The following MYBPC1 variants were observed in gnomAD, a reference collection of about 807,000 sequenced individuals.
The protein encoded by MYBPC1 is myosin binding protein C1.
Under a neutral mutation model 147.1 loss-of-function variants are expected in MYBPC1, and 52 were observed. The ratio of observed to expected loss-of-function variants is 0.35; its 90% confidence interval spans 0.28 to 0.45. The LOEUF (loss-of-function observed/expected upper bound fraction) is 0.45, where lower values mean the gene tolerates loss of function less well. Among genes scored for constraint, MYBPC1 ranks in the 20% least tolerant of loss-of-function variants. MYBPC1 has a pLI of 1.00. For missense variants in MYBPC1, 1,228 were observed against 1,440.3 expected (o/e 0.85, Z 2.39); for synonymous variants, 477 against 475.9 (o/e 1.00, Z -0.03).
At chr12:101,604,991 G>T (rs543497854) in intron 1 of MYBPC1, among the ~76,000 whole-genome samples, 1 of 152,172 alleles carries the variant, frequency 6.6e-6, no homozygotes, top group African/African-American at 2.4e-5. Flanking sequence ...TGCTCCTCAG[G>T]CACCCTGCTT....
intron 22 of MYBPC1, chr12:101,664,274 T>C (rs1025717987): frequency 6.6e-6 from 1 of 152,198 alleles, no homozygotes; most frequent in African/African-American, 2.4e-5. Context: ...ACCAAAAGAA[T>C]GTGAAACTTA....
chr12:101,653,369 C>A, intron 18 of MYBPC1, 121 bp downstream of exon 18: 3 of 1,308,104 alleles, frequency 2.3e-6, no homozygotes, highest in Non-Finnish European at 2.1e-6. Flanking sequence ...TACAGCAGTA[C>A]AGTAAAGATG....
intron 6 of MYBPC1, 107 bp from the exon 7 acceptor site, chr12:101,631,464 A>G: frequency 7.9e-7 from 1 of 1,273,214 alleles, no homozygotes; most frequent in Non-Finnish European, 1.1e-6. Flanking sequence ...CGAGGGCACC[A>G]ATCACACCAT....
At chr12:101,612,151 T>C (rs143065187) in intron 1 of MYBPC1, among the ~76,000 whole-genome samples, 1 of 151,706 alleles carries the variant, frequency 6.6e-6, no homozygotes, top group Non-Finnish European at 1.5e-5. Flanking sequence ...AGGATAAAGA[T>C]TGCCAAATGA....
At chr12:101,609,652 C>T in intron 1 of MYBPC1, among the ~76,000 whole-genome samples, 1 of 152,084 alleles carries the variant, frequency 6.6e-6, no homozygotes, top group East Asian at 1.9e-4. Context: ...ACGCATACTG[C>T]AGTTTGAGAA....
the MYBPC1 span, among the ~76,000 whole-genome samples, chr12:101,691,203 C>T: frequency 6.6e-6 from 1 of 152,178 alleles, no homozygotes; most frequent in Non-Finnish European, 1.5e-5. Context: ...TCCTGAGTAG[C>T]TGGGATTGCA....
chr12:101,688,233 G>A (rs1344094042), downstream of MYBPC1, among the ~76,000 whole-genome samples: 2 of 152,006 alleles, frequency 1.3e-5, no homozygotes, highest in Non-Finnish European at 2.9e-5. Flanking sequence ...CAGCTATGCA[G>A]CATGGTGAAG....
chr12:101,644,929 T>A, intron 12 of MYBPC1, 133 bp downstream of exon 12: 1 of 902,156 alleles, frequency 1.1e-6, no homozygotes, highest in Admixed American at 2.1e-5. Context: ...AGAGTAAACA[T>A]TTAAGTCACA....
downstream of MYBPC1, among the ~76,000 whole-genome samples, chr12:101,688,184 C>T (rs1755425721): frequency 6.6e-6 from 1 of 152,152 alleles, no homozygotes. Context: ...CTTTTAGAGG[C>T]CGAGGCGGGC....
intron 2 of MYBPC1, 186 bp downstream of exon 2, chr12:101,614,717 C>T: frequency 1.5e-6 from 1 of 647,422 alleles, no homozygotes; most frequent in Non-Finnish European, 2.7e-6. Flanking sequence ...ATATAATCCT[C>T]TTGTGTTAAT....
chr12:101,639,991 T>C (rs926923546), intron 10 of MYBPC1, among the ~76,000 whole-genome samples: 1 of 151,904 alleles, frequency 6.6e-6, no homozygotes, highest in African/African-American at 2.4e-5. Context: ...AGAAAATATA[T>C]ACATATGAAC....
intron 1 of MYBPC1, among the ~76,000 whole-genome samples, chr12:101,596,774 C>G (rs994728018): frequency 2.6e-5 from 4 of 152,168 alleles, no homozygotes; most frequent in Non-Finnish European, 5.9e-5. Context: ...CCCCACCCCC[C>G]CAATATATAT....
chr12:101,677,390 G>A lies in MYBPC1; in HGVS notation c.3105G>A (p.Arg1035=). The A allele has an allele frequency of 1.9e-6, 3 of 1,613,912 alleles. No individual in the cohort carries two copies. Among genetic ancestry groups the A allele is most frequent in the Non-Finnish European group, 2.5e-6 (3 of 1,179,956 alleles). Residue 1035 remains arginine (R), a synonymous_variant, in exon 27 of 32, where the codon AGG becomes AGA. Coordinates refer to ENST00000361466, the MANE Select transcript of MYBPC1 (RefSeq NM_002465.4). ...TMTKESAVIA[R]DGKIYKNPVY... ...CTAAAGAGAGTGCAGTGATCGCCAG[G>A]GATGGTGAGTTGGGAATGGACTGAC...
chr12:101,668,745 G>A lies in MYBPC1; in HGVS notation c.2524+846G>A, dbSNP rs138491593. Among the ~76,000 whole-genome samples, 517 of 152,036 alleles carry A rather than the reference G, an allele frequency of 3.4e-3. 3 individuals are homozygous for A. The highest frequency in any genetic ancestry group is 0.012 in the African/African-American group (493 of 41,482). ...CTCCCAAAGTGCTGGGATTACAGGCGTGAGCCACCACGCCTGGCCCTTAGA... is the reference window on the plus strand; with the variant it reads ...CTCCCAAAGTGCTGGGATTACAGGCATGAGCCACCACGCCTGGCCCTTAGA... On this transcript the variant is annotated intron_variant, in intron 23 of 31. Transcript: ENST00000361466.
intron 21 of MYBPC1, 24 bp from the exon 22 acceptor site, chr12:101,663,401 CT>C: frequency 6.2e-7 from 1 of 1,604,374 alleles, no homozygotes; most frequent in Non-Finnish European, 8.5e-7. Flanking sequence ...ATAGTTTATT[CT>C]TTTCTGTCTC....
the MYBPC1 span, among the ~76,000 whole-genome samples, chr12:101,691,477 A>C: frequency 6.6e-6 from 1 of 152,216 alleles, no homozygotes; most frequent in Non-Finnish European, 1.5e-5. Context: ...TAATCTGCCT[A>C]TATGACATGA....
chr12:101,667,975 C>A, intron 23 of MYBPC1, 76 bp downstream of exon 23: 1 of 1,492,218 alleles, frequency 6.7e-7, no homozygotes, highest in Non-Finnish European at 9.1e-7. Flanking sequence ...TACTTTCTTT[C>A]TCAAAACCTC....
At chr12:101,620,738 G>T (rs1454870793) in intron 3 of MYBPC1, among the ~76,000 whole-genome samples, 1 of 152,150 alleles carries the variant, frequency 6.6e-6, no homozygotes, top group Admixed American at 6.5e-5. Flanking sequence ...AGAATCAGAG[G>T]CCACTTTGAA....
intron 12 of MYBPC1, 161 bp from the exon 13 acceptor site, chr12:101,646,602 G>A: frequency 2.6e-6 from 2 of 760,054 alleles, no homozygotes; most frequent in East Asian, 2.8e-5. Flanking sequence ...TTGCACCACT[G>A]CACTCCTGCC....
Sources: allele counts gnomAD v4.1 joint callset (sites outside exome capture counted in the v4.1 genomes callset), GRCh38; gene constraint gnomAD v4.1.1; transcripts MANE v1.5; gene names NCBI Gene and HGNC (gene_info 2026-07-23, HGNC 2026-07-21).